Variants in AKAP6 observed in about 807,000 individuals in gnomAD.
AKAP6 encodes the protein A-kinase anchor protein 6.
Under a neutral mutation model 188.5 loss-of-function variants are expected in AKAP6, and 58 were observed. The ratio of observed to expected loss-of-function variants is 0.31; its 90% CI spans 0.25 to 0.38. The LOEUF (loss-of-function observed/expected upper bound fraction) is 0.38. AKAP6 is among the 10% of genes least tolerant of loss of function. The pLI, the probability that AKAP6 is intolerant of heterozygous loss-of-function variation, is 1.00. For missense variants in AKAP6, 2,710 were observed against 2,740.0 expected (o/e 0.99, Z 0.24); for synonymous variants, 989 against 998.6 (o/e 0.99, Z 0.18).
chr14:32,620,624 T>G (rs145799875), intron 7 of AKAP6, among the ~76,000 whole-genome samples: 204 of 152,230 alleles, frequency 1.3e-3, no homozygotes, highest in Non-Finnish European at 2.5e-3. Flanking sequence ...TCTGTAGTTT[T>G]CTTTTTTTGT....
chr14:32,565,814 A>T (rs1884160544), intron 4 of AKAP6, among the ~76,000 whole-genome samples: 1 of 152,192 alleles, frequency 6.6e-6, no homozygotes, highest in Non-Finnish European at 1.5e-5. Flanking sequence ...GCTACTTGAG[A>T]GTTCTCAGAA....
chr14:32,452,530 C>T (rs762434382), intron 2 of AKAP6, among the ~76,000 whole-genome samples: 3 of 152,036 alleles, frequency 2.0e-5, no homozygotes, highest in Non-Finnish European at 4.4e-5. Flanking sequence ...CTTAGTCAGA[C>T]TGGGCACAGA....
At chr14:32,405,779 C>T (rs1889270760) in intron 1 of AKAP6, among the ~76,000 whole-genome samples, 1 of 152,118 alleles carries the variant, frequency 6.6e-6, no homozygotes, top group Non-Finnish European at 1.5e-5. Flanking sequence ...TCCTGCCACC[C>T]TGTGAAGAGG....
intron 12 of AKAP6, among the ~76,000 whole-genome samples, chr14:32,803,444 C>T (rs114245490): frequency 0.01 from 1,584 of 152,124 alleles, 19 homozygotes; most frequent in African/African-American, 0.034. Flanking sequence ...TATTTTGCTG[C>T]GCTAAAAAAA....
At chr14:32,750,524 C>T (rs2032083310) in intron 11 of AKAP6, among the ~76,000 whole-genome samples, 1 of 151,674 alleles carries the variant, frequency 6.6e-6, no homozygotes. Flanking sequence ...GAGTTTGAGA[C>T]CAGCCTGGGC....
Position 32,666,964 on chromosome 14 carries a change from T to A in AKAP6, c.2731-11347T>A, listed in dbSNP as rs147772418. Among the ~76,000 whole-genome samples the A allele has an allele frequency of 3.1e-3, 477 of 152,244 alleles. 1 individual carries two copies. The highest frequency in any genetic ancestry group is 0.011 in the African/African-American group (458 of 41,564). On this transcript the variant is annotated intron_variant, in intron 7 of 13. Coordinates refer to ENST00000280979, the MANE Select transcript of AKAP6 (RefSeq NM_004274.5). ...AATGTCATTTGTCTATAGTGCATTT[T>A]CTTTTCATTTATAATAAAAAGTGAA...
intron 1 of AKAP6, among the ~76,000 whole-genome samples, chr14:32,361,147 G>T (rs1207091538): frequency 2.0e-5 from 3 of 151,556 alleles, no homozygotes; most frequent in Admixed American, 6.6e-5. Context: ...GTCAGGCTCT[G>T]CTATAAATGG....
chr14:32,650,382 G>T (rs2139527542), intron 7 of AKAP6, among the ~76,000 whole-genome samples: 1 of 152,234 alleles, frequency 6.6e-6, no homozygotes, highest in Admixed American at 6.5e-5. Context: ...GGAGGCTGGG[G>T]CGGGCGGATT....
intron 4 of AKAP6, among the ~76,000 whole-genome samples, chr14:32,573,281 A>G (rs1375086139): frequency 6.6e-6 from 1 of 152,200 alleles, no homozygotes; most frequent in African/African-American, 2.4e-5. Flanking sequence ...CATAAAATGT[A>G]CTTTTCATGT....
intron 4 of AKAP6, among the ~76,000 whole-genome samples, chr14:32,556,800 T>C (rs1187413713): frequency 2.0e-5 from 3 of 152,238 alleles, no homozygotes; most frequent in African/African-American, 4.8e-5. Flanking sequence ...GCCTGTGGTT[T>C]TGGTGCCATA....
At chr14:32,559,871 A>C (rs1883875846) in intron 4 of AKAP6, among the ~76,000 whole-genome samples, 1 of 150,162 alleles carries the variant, frequency 6.7e-6, no homozygotes, top group African/African-American at 2.5e-5. Context: ...GCCTAATCTT[A>C]AGGGTTATTG....
In AKAP6 at chr14:32,599,464, G is replaced by A; in HGVS notation, c.2524G>A (p.Glu842Lys). The A allele has an allele frequency of 6.2e-7, 1 of 1,613,420 alleles. No individual in the cohort carries two copies. The highest frequency in any genetic ancestry group is 8.5e-7 in the Non-Finnish European group (1 of 1,179,582). Residue 842 changes from glutamate to lysine, a missense_variant, in exon 6 of 14, where the codon GAA becomes AAA. Physicochemically the swap from Glu to Lys is moderately conservative, Grantham distance 56. Around this residue, in one of 2 missense-constraint regions of AKAP6, gnomAD observed 2,473 missense variants for 2,426.1 expected, o/e 1.02. Coordinates refer to ENST00000280979, the MANE Select transcript of AKAP6 (RefSeq NM_004274.5). Reference sequence around the variant, plus strand: ...TGCTCTCAAGGAAGCTGTGGAGGAGGAAGGACACCAACTTCTTGAGCTTAT... The same window carrying A: ...TGCTCTCAAGGAAGCTGTGGAGGAGAAAGGACACCAACTTCTTGAGCTTAT... The part of the protein sequence containing the change: ...HCALKEAVEE[E>K]GHQLLELIAS...
chr14:32,416,589 CTG>C (rs1477933098), intron 1 of AKAP6, among the ~76,000 whole-genome samples: 1 of 152,100 alleles, frequency 6.6e-6, no homozygotes, highest in African/African-American at 2.4e-5. Context: ...AATCTCTTTT[CTG>C]TCGCCCAGGC....
intron 1 of AKAP6, among the ~76,000 whole-genome samples, chr14:32,360,959 G>A (rs1490182215): frequency 1.8e-4 from 27 of 151,004 alleles, no homozygotes; most frequent in African/African-American, 6.6e-4. Flanking sequence ...ATATTGCCCT[G>A]GCTACTCTTG....
At chr14:32,403,740 G>A (rs1566485039) in intron 1 of AKAP6, among the ~76,000 whole-genome samples, 1 of 152,220 alleles carries the variant, frequency 6.6e-6, no homozygotes, top group African/African-American at 2.4e-5. Flanking sequence ...CATATTAACA[G>A]TAAACATAAT....
At chr14:32,492,563 G>A (rs758450666) in intron 2 of AKAP6, among the ~76,000 whole-genome samples, 32 of 151,822 alleles carry the variant, frequency 2.1e-4, no homozygotes, top group South Asian at 1.9e-3. Context: ...TCTTCATTTT[G>A]TCATCTTTCT....
At chr14:32,485,439 A>T (rs1227455680) in intron 2 of AKAP6, among the ~76,000 whole-genome samples, 1 of 152,142 alleles carries the variant, frequency 6.6e-6, no homozygotes, top group African/African-American at 2.4e-5. Flanking sequence ...ACAGTGTAAA[A>T]GCATTCCTAT....
At chr14:32,354,828 G>T (rs1260040370) in intron 1 of AKAP6, among the ~76,000 whole-genome samples, 1 of 151,500 alleles carries the variant, frequency 6.6e-6, no homozygotes, top group Non-Finnish European at 1.5e-5. Flanking sequence ...GTGGACATGT[G>T]CTTCTGTTTG....
intron 1 of AKAP6, among the ~76,000 whole-genome samples, chr14:32,386,796 G>A (rs1456473623): frequency 1.3e-5 from 2 of 152,148 alleles, no homozygotes; most frequent in South Asian, 2.1e-4. Flanking sequence ...GGGAAGAGAT[G>A]AGGATCCAGT....
Sources: allele counts gnomAD v4.1 joint callset (sites outside exome capture counted in the v4.1 genomes callset), GRCh38; gene constraint gnomAD v4.1.1; regional missense constraint gnomAD v4.1.1; transcripts MANE v1.5; gene names NCBI Gene and HGNC (gene_info 2026-07-23, HGNC 2026-07-21).